Variants in AKAP7 observed in about 807,000 individuals in gnomAD.
AKAP7 encodes the protein A-kinase anchoring protein 7, also known as A kinase (PRKA) anchor protein 7.
In AKAP7, 39 loss-of-function variants were observed where a neutral mutation model predicts 39.5. The observed-to-expected ratio is 0.99, with a 90% CI of 0.76 to 1.29. The LOEUF (loss-of-function observed/expected upper bound fraction) is 1.29, where lower values mean the gene tolerates loss of function less well. Among genes scored for constraint, AKAP7 ranks in the 50% most tolerant of loss-of-function variants. The pLI is 0.00. For missense variants in AKAP7, 414 were observed against 407.7 expected, an observed-to-expected ratio of 1.02 and a Z score of -0.13; for synonymous variants, 140 against 139.1, an observed-to-expected ratio of 1.01 and a Z score of -0.05.
intron 5 of AKAP7, among the ~76,000 whole-genome samples, chr6:131,181,328 GC>G (rs1805216116): frequency 6.6e-6 from 1 of 152,092 alleles, no homozygotes; most frequent in African/African-American, 2.4e-5. Context: ...CTAAACCCCA[GC>G]ATCAGTCATT....
At chr6:131,274,897 ACT>A (rs139700576) in intron 7 of AKAP7, among the ~76,000 whole-genome samples, 2,163 of 151,730 alleles carry the variant, frequency 0.014, 38 homozygotes, top group African/African-American at 0.05. Context: ...ATGCCTGGAA[ACT>A]CTTATTCATT....
At chr6:131,183,107 G>A (rs779597208) in intron 5 of AKAP7, among the ~76,000 whole-genome samples, 2 of 152,040 alleles carry the variant, frequency 1.3e-5, no homozygotes, top group South Asian at 2.1e-4. Context: ...GTGTAAAAAC[G>A]TTTATGTTTA....
intron 7 of AKAP7, among the ~76,000 whole-genome samples, chr6:131,245,416 TTTTTTTTG>T (rs1811923720): frequency 6.6e-6 from 1 of 151,532 alleles, no homozygotes; most frequent in Non-Finnish European, 1.5e-5. Context: ...AGCTACGTTT[TTTTTTTTG>T]TTTTTTTGTT....
the AKAP7 span, among the ~76,000 whole-genome samples, chr6:131,129,983 AG>A: frequency 6.6e-6 from 1 of 152,230 alleles, no homozygotes; most frequent in Non-Finnish European, 1.5e-5. Context: ...GTATCACAGA[AG>A]AGAAATGAGG....
intron 2 of AKAP7, among the ~76,000 whole-genome samples, chr6:131,148,602 T>C (rs892186754): frequency 3.3e-5 from 5 of 152,178 alleles, no homozygotes; most frequent in African/African-American, 1.2e-4. Context: ...CCTTAGTTAT[T>C]TGGGGACAAC....
chr6:131,271,298 T>G (rs1375884284), intron 7 of AKAP7, among the ~76,000 whole-genome samples: 1 of 152,176 alleles, frequency 6.6e-6, no homozygotes, highest in Non-Finnish European at 1.5e-5. Flanking sequence ...CTAGTACCAT[T>G]CCTTGCAAAG....
chr6:131,281,753 T>A lies in AKAP7; in HGVS notation c.*27T>A. 1 of 1,559,516 alleles carries A rather than the reference T, an allele frequency of 6.4e-7. No individual in the cohort carries two copies. Among genetic ancestry groups the A allele is most frequent in the Non-Finnish European group, 8.7e-7 (1 of 1,153,884 alleles). ...CCCGGAACGCAGGCCCCCATGTCTCTGTGCAAAGCCTCCCTGCTTCCCTCT... is the reference window on the plus strand; with the variant it reads ...CCCGGAACGCAGGCCCCCATGTCTCAGTGCAAAGCCTCCCTGCTTCCCTCT... On this transcript the variant is annotated 3_prime_UTR_variant, in exon 8 of 8. Coordinates refer to ENST00000431975, the MANE Select transcript of AKAP7 (RefSeq NM_016377.4). This position sits in a 1 kb window ranked among gnomAD's most constrained non-coding sequence, Gnocchi z 4.0.
At chr6:131,148,831 G>A (rs1479380648) in intron 2 of AKAP7, among the ~76,000 whole-genome samples, 2 of 152,184 alleles carry the variant, frequency 1.3e-5, no homozygotes, top group East Asian at 3.9e-4. Context: ...GGCTTGAATG[G>A]ACTGAATTTG....
intron 3 of AKAP7, among the ~76,000 whole-genome samples, chr6:131,164,037 G>T (rs1244453126): frequency 1.3e-5 from 2 of 152,162 alleles, no homozygotes; most frequent in Non-Finnish European, 2.9e-5. Context: ...AGCATCTCAT[G>T]ATTTGCACAA....
At chr6:131,251,456 A>G (rs557299536) in intron 7 of AKAP7, among the ~76,000 whole-genome samples, 3 of 152,132 alleles carry the variant, frequency 2.0e-5, no homozygotes, top group Non-Finnish European at 4.4e-5. Flanking sequence ...TCAGTGCTTG[A>G]TTCTAATTTA....
At chr6:131,171,244 A>G (rs1206286405) in intron 5 of AKAP7, among the ~76,000 whole-genome samples, 1 of 152,218 alleles carries the variant, frequency 6.6e-6, no homozygotes, top group African/African-American at 2.4e-5. Context: ...ACAGTGCAAT[A>G]TAATAATAAC....
intron 7 of AKAP7, among the ~76,000 whole-genome samples, chr6:131,223,994 G>A (rs999985205): frequency 6.6e-6 from 1 of 152,042 alleles, no homozygotes; most frequent in Non-Finnish European, 1.5e-5. Context: ...CTTTATTGCT[G>A]TTACACTTTC....
In AKAP7 at chr6:131,163,009, T is replaced by G. The variant is rs568617717; in HGVS notation, c.292-2072T>G. On this transcript the variant is annotated intron_variant, in intron 3 of 7. Coordinates refer to ENST00000431975, the MANE Select transcript of AKAP7 (RefSeq NM_016377.4). ...CATACACGCTCTTTCGCTCTCGCTCTCTCTCTCTCTCTGCTGCTGTTTCAT... is the reference window on the plus strand; with the variant it reads ...CATACACGCTCTTTCGCTCTCGCTCGCTCTCTCTCTCTGCTGCTGTTTCAT... Among the ~76,000 whole-genome samples, 47 of 151,984 alleles carry G rather than the reference T, an allele frequency of 3.1e-4. 1 individual carries two copies. The highest frequency in any genetic ancestry group is 1.7e-3 in the South Asian group (8 of 4,792).
chr6:131,135,861 T>A (rs1160579189), intron 1 of AKAP7, 79 bp downstream of exon 1: 2 of 1,210,438 alleles, frequency 1.7e-6, no homozygotes. Flanking sequence ...CGCTCGAACT[T>A]TGGGAGGGCC....
chr6:131,222,933 A>G (rs909401583), intron 7 of AKAP7, among the ~76,000 whole-genome samples: 6 of 152,116 alleles, frequency 3.9e-5, no homozygotes, highest in African/African-American at 9.7e-5. Flanking sequence ...TGCCACAACC[A>G]CTCGAACCTC....
intron 7 of AKAP7, chr6:131,253,166 G>C (rs1812579423): frequency 6.9e-7 from 1 of 1,449,984 alleles, no homozygotes. Flanking sequence ...TTGCCGTTTG[G>C]TGGTGGTGGT....
At chr6:131,169,533 C>A (rs953878651) in intron 5 of AKAP7, among the ~76,000 whole-genome samples, 1 of 152,142 alleles carries the variant, frequency 6.6e-6, no homozygotes, top group African/African-American at 2.4e-5. Context: ...GAGTTGTCAT[C>A]CCCATTGCAG....
chr6:131,184,032 G>A (rs1186013575), intron 5 of AKAP7, among the ~76,000 whole-genome samples: 2 of 152,178 alleles, frequency 1.3e-5, no homozygotes, highest in Non-Finnish European at 2.9e-5. Flanking sequence ...GTGATGACCA[G>A]GGCCTGGGCC....
rs1179066652 is a variant in AKAP7, at chr6:131,174,457, C to A, written c.589+5184C>A. ...AAAAGAATGCCTCAGGCTGGGCACA[C>A]TGGCTTGCGCCGATAATCCCAGCCA... On this transcript the variant is annotated intron_variant, in intron 5 of 7. Transcript: ENST00000431975. 2.6e-5 allele frequency among the ~76,000 whole-genome samples: 4 copies of A among 152,356 alleles called. No homozygotes were observed. The East Asian group carries it at 7.7e-4, about 29-fold the overall frequency.
Sources: gnomAD v4.1 joint callset for allele counts (sites outside exome capture counted in the v4.1 genomes callset) on GRCh38, gnomAD v4.1.1 for gene constraint, Gnocchi (gnomAD v3.1) non-coding constraint, MANE v1.5 for transcripts, NCBI Gene and HGNC (gene_info 2026-07-23, HGNC 2026-07-21) for gene names.